Variants in LRRTM4 observed in about 807,000 individuals in gnomAD.
LRRTM4 encodes leucine-rich repeat transmembrane neuronal protein 4.
In LRRTM4, 25 loss-of-function variants were observed where a neutral mutation model predicts 47.6. The ratio of observed to expected loss-of-function variants is 0.53; its 90% CI spans 0.38 to 0.73. The LOEUF is 0.73. Among genes scored for constraint, LRRTM4 ranks in the 30% least tolerant of loss-of-function variants. The pLI is 0.00. For synonymous variants in LRRTM4, 311 were observed against 269.5 expected (o/e 1.15, Z -1.51); for missense variants, 638 against 713.4 (o/e 0.89, Z 1.20).
At chr2:77,441,651 T>C (rs977369586) in intron 3 of LRRTM4, among the ~76,000 whole-genome samples, 2 of 152,182 alleles carry the variant, frequency 1.3e-5, no homozygotes, top group African/African-American at 2.4e-5. Flanking sequence ...AGATGTATCA[T>C]AGTTCTAGAT....
chr2:76,824,962 T>C (rs1671152036), intron 3 of LRRTM4, among the ~76,000 whole-genome samples: 1 of 151,604 alleles, frequency 6.6e-6, no homozygotes, highest in South Asian at 2.1e-4. Context: ...ATTCTTCCAA[T>C]TGGGGTACTG....
rs920435784 is a variant in LRRTM4, at chr2:77,091,710, G to A, written c.1552-342794C>T. 6.7e-5 allele frequency among the ~76,000 whole-genome samples: 10 copies of A among 149,738 alleles called. No individual in the cohort carries two copies. In the Admixed American group the frequency reaches 6.7e-4, roughly 10 times the overall value. ...CTGACCCTGACACCCATCAAGCTCA[G>A]CAAATTACCTAGGCTGTACTGCCTG... On this transcript the variant is annotated intron_variant, in intron 3 of 3. Coordinates refer to ENST00000409884, the MANE Select transcript of LRRTM4 (RefSeq NM_001134745.3).
chr2:76,850,533 A>C (rs1181288526), intron 3 of LRRTM4, among the ~76,000 whole-genome samples: 1 of 152,218 alleles, frequency 6.6e-6, no homozygotes. Flanking sequence ...CTGTTACTGC[A>C]GAGATTAAAT....
intron 3 of LRRTM4, among the ~76,000 whole-genome samples, chr2:76,815,337 G>A (rs552307069): frequency 6.6e-6 from 1 of 151,998 alleles, no homozygotes; most frequent in East Asian, 1.9e-4. Context: ...TGATAGGGAG[G>A]GGCCTGGCTC....
chr2:76,819,160 T>A (rs1670985010), intron 3 of LRRTM4, among the ~76,000 whole-genome samples: 1 of 151,842 alleles, frequency 6.6e-6, no homozygotes, highest in Non-Finnish European at 1.5e-5. Flanking sequence ...TAATTAGGAA[T>A]AAGGTAAAGG....
intron 3 of LRRTM4, among the ~76,000 whole-genome samples, chr2:76,965,446 A>G (rs1675991099): frequency 6.6e-6 from 1 of 151,304 alleles, no homozygotes; most frequent in African/African-American, 2.4e-5. Flanking sequence ...GTAAAAAAGA[A>G]TCATATGATT....
chr2:77,339,034 G>A (rs536224246), intron 3 of LRRTM4, among the ~76,000 whole-genome samples: 2 of 152,014 alleles, frequency 1.3e-5, no homozygotes, highest in South Asian at 4.1e-4. Flanking sequence ...CCATTTATGA[G>A]TGGAAGGAAA....
chr2:77,444,958 C>CACACACAA lies in LRRTM4; in HGVS notation c.1551+73359_1551+73360insTTGTGTGT, dbSNP rs1553445535. Among the ~76,000 whole-genome samples the CACACACAA allele has an allele frequency of 9.1e-3, 1,315 of 143,906 alleles. 17 individuals carry two copies. Among genetic ancestry groups the CACACACAA allele is most frequent in the African/African-American group, 0.033 (1,250 of 37,864 alleles). The allele number at this position is 143,906 out of a possible 152,430, so 94.4% of individuals were successfully genotyped here. A position where few individuals can be genotyped will look rare whatever the true frequency, so the allele number is the denominator to read the frequency against. The stretch of plus-strand genomic sequence containing the variant: ...ACACACACACACACACATACACACA[C>CACACACAA]ACACACACACACGATCCGGAAAAAA... On this transcript the variant is annotated intron_variant, in intron 3 of 3. Coordinates refer to ENST00000409884, the MANE Select transcript of LRRTM4 (RefSeq NM_001134745.3).
At chr2:77,284,908 A>G (rs1271770108) in intron 3 of LRRTM4, among the ~76,000 whole-genome samples, 2 of 152,100 alleles carry the variant, frequency 1.3e-5, no homozygotes, top group African/African-American at 4.8e-5. Flanking sequence ...TATACTCATC[A>G]AAGCCCTCTT....
chr2:77,079,488 A>G (rs1021942387), intron 3 of LRRTM4, among the ~76,000 whole-genome samples: 1 of 152,310 alleles, frequency 6.6e-6, no homozygotes, highest in Non-Finnish European at 1.5e-5. Context: ...AGCACAACAC[A>G]AACGTATAAA....
chr2:77,507,934 T>C (rs1678842522), intron 3 of LRRTM4, among the ~76,000 whole-genome samples: 1 of 152,112 alleles, frequency 6.6e-6, no homozygotes, highest in Non-Finnish European at 1.5e-5. Context: ...TGCTGACTAG[T>C]GGATCATGGT....
chr2:77,344,354 G>T (rs1671484224), intron 3 of LRRTM4, among the ~76,000 whole-genome samples: 1 of 151,662 alleles, frequency 6.6e-6, no homozygotes, highest in Admixed American at 6.6e-5. Context: ...TAAAGACACA[G>T]CAAGTTCAAG....
At chr2:76,962,375 C>T (rs1466294447) in intron 3 of LRRTM4, among the ~76,000 whole-genome samples, 1 of 151,056 alleles carries the variant, frequency 6.6e-6, no homozygotes, top group Non-Finnish European at 1.5e-5. Context: ...ATTACATTAC[C>T]TTCCACCTCC....
chr2:77,210,627 C>T lies in LRRTM4; in HGVS notation c.1551+307691G>A, dbSNP rs760769935. Among the ~76,000 whole-genome samples the T allele has an allele frequency of 9.2e-5, 14 of 152,090 alleles. No homozygotes were observed. In the East Asian group the frequency reaches 1.7e-3, roughly 19 times the overall value. Reference sequence around the variant, plus strand: ...ATCACCGTGGGCCAAACAGCTGATTCGTGGTGGAAATAAAGCTCCAATCAA... The same window carrying T: ...ATCACCGTGGGCCAAACAGCTGATTTGTGGTGGAAATAAAGCTCCAATCAA... On this transcript the variant is annotated intron_variant, in intron 3 of 3. Transcript: ENST00000409884.
intron 3 of LRRTM4, among the ~76,000 whole-genome samples, chr2:77,149,014 C>G (rs1672346050): frequency 6.6e-6 from 1 of 152,078 alleles, no homozygotes; most frequent in South Asian, 2.1e-4. Flanking sequence ...CAAAAACTCC[C>G]TAGAATTTTA....
chr2:76,987,076 G>A (rs116110522), intron 3 of LRRTM4, among the ~76,000 whole-genome samples: 2,048 of 151,706 alleles, frequency 0.013, 50 homozygotes, highest in African/African-American at 0.047. Flanking sequence ...GAGTATTTTC[G>A]AAGAATGATA....
intron 3 of LRRTM4, among the ~76,000 whole-genome samples, chr2:77,445,204 C>T (rs59796466): frequency 0.047 from 7,158 of 151,936 alleles, 528 homozygotes; most frequent in African/African-American, 0.16. Context: ...GGACAAGCTA[C>T]CCAATCTCTT....
intron 3 of LRRTM4, among the ~76,000 whole-genome samples, chr2:77,287,261 G>A (rs1483120549): frequency 1.3e-5 from 2 of 151,990 alleles, no homozygotes; most frequent in South Asian, 2.1e-4. Flanking sequence ...GTCACCTTGT[G>A]TTGTTTTAGA....
chr2:77,037,286 T>C (rs1428809879), intron 3 of LRRTM4, among the ~76,000 whole-genome samples: 1 of 151,820 alleles, frequency 6.6e-6, no homozygotes, highest in African/African-American at 2.4e-5. Context: ...AAATAACTTT[T>C]ACAAACCATG....
Sources: gnomAD v4.1 joint callset for allele counts (sites outside exome capture counted in the v4.1 genomes callset) on GRCh38, gnomAD v4.1.1 for gene constraint, MANE v1.5 for transcripts, NCBI Gene and HGNC (gene_info 2026-07-23, HGNC 2026-07-21) for gene names.